Variants in TTLL12 observed in about 807,000 individuals in gnomAD.
TTLL12 encodes tubulin--tyrosine ligase-like protein 12.
In TTLL12, 77 loss-of-function variants were observed where a neutral mutation model predicts 79.6. The observed-to-expected ratio is 0.97, with a 90% CI of 0.81 to 1.17. TTLL12 has a LOEUF of 1.17. Ranked by LOEUF, TTLL12 falls within the 50% of genes most tolerant of loss-of-function variation. TTLL12 has a pLI of 0.00. For synonymous variants in TTLL12, 437 were observed against 376.1 expected, an observed-to-expected ratio of 1.16 and a Z score of -1.87; for missense variants, 969 against 895.9, an observed-to-expected ratio of 1.08 and a Z score of -1.04.
rs375930251 is a variant in TTLL12, at chr22:43,183,199, C to T, written c.178-50G>A. On this transcript the variant is annotated intron_variant, in intron 1 of 13. Coordinates refer to ENST00000216129, the MANE Select transcript of TTLL12 (RefSeq NM_015140.4). ...AGGGGTGTGGGCAGGAGACCCCACC[C>T]CAATGCCTTCACCACTCCAGAAAGC... 36 of 1,603,182 alleles carry T rather than the reference C, an allele frequency of 2.2e-5. No homozygotes were observed. In the African/African-American group the frequency reaches 4.3e-4, roughly 19 times the overall value.
At position 43,186,890 on chromosome 22, in the gene TTLL12, C is replaced by A; in HGVS notation, c.177+3G>T. 2 of 1,292,800 alleles carry A rather than the reference C, an allele frequency of 1.5e-6. No individual in the cohort carries two copies. Among genetic ancestry groups the A allele is most frequent in the Non-Finnish European group, 9.8e-7 (1 of 1,020,990 alleles). The allele number at this position is 1,292,800 out of a possible 1,614,324, so 80.1% of individuals were successfully genotyped here. On this transcript the variant is annotated splice_donor_region_variant and intron_variant, in intron 1 of 13. Coordinates refer to ENST00000216129, the MANE Select transcript of TTLL12 (RefSeq NM_015140.4). Reference sequence around the variant, plus strand: ...CGCACGTGCCCGCCGCCCTTCCCCGCACCTCGTGCTCCAGCTTGTGCAGGA... The same window carrying A: ...CGCACGTGCCCGCCGCCCTTCCCCGAACCTCGTGCTCCAGCTTGTGCAGGA...
At chr22:43,183,780 G>A (rs964206709) in intron 1 of TTLL12, among the ~76,000 whole-genome samples, 4 of 152,366 alleles carry the variant, frequency 2.6e-5, no homozygotes, top group African/African-American at 9.6e-5. Flanking sequence ...GTGTGGAGCA[G>A]AGGGGTCCCT....
intron 13 of TTLL12, 105 bp downstream of exon 13, chr22:43,168,669 A>G (rs1931680819): frequency 1.4e-6 from 2 of 1,474,806 alleles, no homozygotes; most frequent in East Asian, 4.9e-5. Flanking sequence ...GGCTGATTCA[A>G]GCCAGAGGAC....
At position 43,174,252 on chromosome 22, in the gene TTLL12, C is replaced by A; in HGVS notation, c.1186G>T (p.Glu396Ter). The change falls in exon 8 of 14, where the codon GAG becomes TAG. Residue 396 changes from glutamate (E) to a stop codon, truncating the protein, a stop_gained. Coordinates refer to ENST00000216129, the MANE Select transcript of TTLL12 (RefSeq NM_015140.4). LOFTEE classifies it high-confidence loss of function. ...AAGTAGCTGACAAACTGGGGCAGCTCAGTGCGCAGGTTGAAGGTTCGGGGC... is the reference window on the plus strand; with the variant it reads ...AAGTAGCTGACAAACTGGGGCAGCTAAGTGCGCAGGTTGAAGGTTCGGGGC... ...WLPRTFNLRT[E>*]LPQFVSYFQQ... 1 of 1,608,842 alleles carries A rather than the reference C, an allele frequency of 6.2e-7. No individual in the cohort carries two copies. The highest frequency in any genetic ancestry group is 1.1e-5 in the South Asian group (1 of 91,070).
intron 11 of TTLL12, chr22:43,170,009 C>T (rs1217494570): frequency 2.5e-6 from 1 of 395,074 alleles, no homozygotes; most frequent in Non-Finnish European, 5.1e-6. Context: ...AGCACCAGCT[C>T]AAGAGTGCTT....
chr22:43,172,474 G>C lies in TTLL12; in HGVS notation c.1422C>G (p.Ile474Met). 2 of 1,614,166 alleles carry C rather than the reference G, an allele frequency of 1.2e-6. No homozygotes were observed. The highest frequency in any genetic ancestry group is 8.5e-7 in the Non-Finnish European group (1 of 1,180,036). ...VGKVKFDIRY[I>M]VLLRSVRPLR... ...GGGGCCTCACTGACCGCAGCAGCACGATGTAGCGGATGTCGAACTTGACCT... is the reference window on the plus strand; with the variant it reads ...GGGGCCTCACTGACCGCAGCAGCACCATGTAGCGGATGTCGAACTTGACCT... Residue 474 changes from isoleucine to methionine, a missense_variant, in exon 10 of 14, where the codon ATC (isoleucine) becomes ATG (methionine). Transcript: ENST00000216129.
In TTLL12 at chr22:43,167,924, G is replaced by T; in HGVS notation, c.*84C>A. Reference sequence around the variant, plus strand: ...CTATGCCCAGGGCCGGTGTGGGGAGGGACATGGGGGCCTTTGCAGAAGCAG... The same window carrying T: ...CTATGCCCAGGGCCGGTGTGGGGAGTGACATGGGGGCCTTTGCAGAAGCAG... On this transcript the variant is annotated 3_prime_UTR_variant, in exon 14 of 14. Transcript: ENST00000216129. 1 of 1,529,638 alleles carries T rather than the reference G, an allele frequency of 6.5e-7. No individual in the cohort carries two copies. Among genetic ancestry groups the T allele is most frequent in the Non-Finnish European group, 8.9e-7 (1 of 1,124,678 alleles). The allele number at this position is 1,529,638 out of a possible 1,614,324, so 94.8% of individuals were successfully genotyped here.
At chr22:43,168,733 C>A (rs1044383400) in intron 13 of TTLL12, 41 bp downstream of exon 13, 1 of 1,543,652 alleles carries the variant, frequency 6.5e-7, no homozygotes, top group Non-Finnish European at 8.7e-7. Context: ...GCGGAGGGGG[C>A]GCCTGCTGGT....
In TTLL12 at chr22:43,174,313, C is replaced by T. The variant is rs751925143; in HGVS notation, c.1125G>A (p.Ala375=). The part of the protein sequence containing the change: ...LTVKDCLASI[A]RRAGGPEGPP... ...GGCCCTCGGGGCCACCTGCCCGGCG[C>T]GCGATGGAGGCCAGGCAGTCCTTGA... Residue 375 remains alanine, a synonymous_variant, in exon 8 of 14, where the codon GCG becomes GCA. Transcript: ENST00000216129. The T allele has an allele frequency of 7.0e-5, 113 of 1,610,238 alleles. No individual in the cohort carries two copies. Among genetic ancestry groups the T allele is most frequent in the African/African-American group, 9.4e-5 (7 of 74,812 alleles).
chr22:43,173,610 G>C (rs944765448), intron 9 of TTLL12, 105 bp downstream of exon 9: 12 of 1,098,694 alleles, frequency 1.1e-5, no homozygotes, highest in Middle Eastern at 2.1e-4. Flanking sequence ...ACCCTGCCCA[G>C]CCTGGACCTG....
At chr22:43,169,639 T>C (rs766457725) in intron 11 of TTLL12, 71 bp from the exon 12 acceptor site, 29 of 1,519,332 alleles carry the variant, frequency 1.9e-5, no homozygotes, top group Non-Finnish European at 2.4e-5. Context: ...AGCCTGCTAC[T>C]GCCTGGACCA....
intron 5 of TTLL12, among the ~76,000 whole-genome samples, chr22:43,179,131 C>T (rs1931987008): frequency 6.6e-6 from 1 of 152,226 alleles, no homozygotes; most frequent in African/African-American, 2.4e-5. Context: ...CTCTTACCTC[C>T]AGCCAGGCAC....
intron 5 of TTLL12, among the ~76,000 whole-genome samples, chr22:43,178,294 C>T (rs1465710626): frequency 2.9e-5 from 4 of 135,844 alleles, no homozygotes; most frequent in East Asian, 2.6e-4. Context: ...CCCACACAAA[C>T]ACGCCACCAC....
chr22:43,179,681 C>T lies in TTLL12; in HGVS notation c.778G>A (p.Ala260Thr), dbSNP rs1338838123. Residue 260 changes from alanine to threonine, a missense_variant, in exon 5 of 14, where the codon GCC becomes ACC. Physicochemically the swap from Ala to Thr is moderately conservative, Grantham distance 58. Transcript: ENST00000216129. ...CTGAGGTCCAGCATGTCGGTGGGGG[C>T]CCAGGGCAGCAGCATGCACTTCCGG... ...LIRKCMLLPW[A>T]PTDMLDLSSC... The T allele has an allele frequency of 6.3e-7, 1 of 1,576,332 alleles. No individual in the cohort carries two copies.
rs778590111 is a variant in TTLL12 at position 43,168,766 on chromosome 22, CCT to C, written c.1783+6_1783+7del. 1.9e-6 allele frequency: 3 copies of C among 1,552,764 alleles called. No individual in the cohort carries two copies. The highest frequency in any genetic ancestry group is 2.6e-6 in the Non-Finnish European group (3 of 1,148,842). ...GGTTTGGATCAGGAGATGGGGAGCC[CCT>C]CTTACCATCTGGGCCGTTGTCCCAC... On this transcript the variant is annotated splice_donor_region_variant and intron_variant, in intron 13 of 13. Coordinates refer to ENST00000216129, the MANE Select transcript of TTLL12 (RefSeq NM_015140.4).
In TTLL12 at chr22:43,168,918, G is replaced by C. The variant is rs1931690082; in HGVS notation, c.1645-6C>G. On this transcript the variant is annotated splice_polypyrimidine_tract_variant and splice_region_variant and intron_variant, in intron 12 of 13. Coordinates refer to ENST00000216129, the MANE Select transcript of TTLL12 (RefSeq NM_015140.4). Reference sequence around the variant, plus strand: ...AAGGCCCGGAAGATCTCAGCCTGGGGACCGGGGAGCCTGAGTTACGAGGCC... The same window carrying C: ...AAGGCCCGGAAGATCTCAGCCTGGGCACCGGGGAGCCTGAGTTACGAGGCC... 6.2e-7 allele frequency: 1 copy of C among 1,607,608 alleles called. No homozygotes were observed. Among genetic ancestry groups the C allele is most frequent in the Non-Finnish European group, 8.5e-7 (1 of 1,176,994 alleles).
intron 2 of TTLL12, among the ~76,000 whole-genome samples, chr22:43,182,391 G>A (rs1254178072): frequency 6.6e-6 from 1 of 152,222 alleles, no homozygotes; most frequent in African/African-American, 2.4e-5. Context: ...TGCCCAAAGA[G>A]CTGTGCGTGG....
At chr22:43,184,865 G>A in intron 1 of TTLL12, among the ~76,000 whole-genome samples, 1 of 152,212 alleles carries the variant, frequency 6.6e-6, no homozygotes, top group East Asian at 1.9e-4. Context: ...GACTGGAAGA[G>A]CTCCCCAGGA....
chr22:43,174,159 G>C (rs1931838349), intron 8 of TTLL12, 50 bp downstream of exon 8: 1 of 1,572,316 alleles, frequency 6.4e-7, no homozygotes, highest in South Asian at 1.1e-5. Flanking sequence ...ACAGACGCTG[G>C]GCCGGGGAAA....
Sources: gnomAD v4.1 joint callset for allele counts (sites outside exome capture counted in the v4.1 genomes callset) on GRCh38, gnomAD v4.1.1 for gene constraint, MANE v1.5 for transcripts, NCBI Gene and HGNC (gene_info 2026-07-23, HGNC 2026-07-21) for gene names.